The following RPS6KA2 variants were observed in gnomAD, a reference collection of about 807,000 sequenced individuals.
RPS6KA2 encodes ribosomal protein S6 kinase A2.
RPS6KA2 carries 42 observed loss-of-function variants against 91.8 expected under a neutral mutation model. The observed-to-expected ratio is 0.46, with a 90% CI of 0.36 to 0.59. The LOEUF (loss-of-function observed/expected upper bound fraction) is 0.59. Ranked by LOEUF, RPS6KA2 falls within the 20% of genes least tolerant of loss-of-function variation. The pLI is 0.00. For synonymous variants in RPS6KA2, 414 were observed against 393.6 expected (o/e 1.05, Z -0.61); for missense variants, 798 against 978.5 (o/e 0.82, Z 2.46).
At chr6:166,808,961 T>C (rs970156713) in intron 2 of RPS6KA2, among the ~76,000 whole-genome samples, 4 of 152,188 alleles carry the variant, frequency 2.6e-5, no homozygotes, top group Non-Finnish European at 5.9e-5. Context: ...CTAGTAAATA[T>C]AGACTGCAAG....
intron 2 of RPS6KA2, among the ~76,000 whole-genome samples, chr6:166,656,598 T>C (rs906640504): frequency 6.6e-6 from 1 of 152,224 alleles, no homozygotes; most frequent in African/African-American, 2.4e-5. Flanking sequence ...CCCTGGTCTC[T>C]GGGATGCGAA....
At chr6:166,420,450 G>T (rs1778684048) in intron 17 of RPS6KA2, among the ~76,000 whole-genome samples, 1 of 152,272 alleles carries the variant, frequency 6.6e-6, no homozygotes, top group East Asian at 1.9e-4. Context: ...CTGTCCGTCT[G>T]TGTGAATCTG....
intron 1 of RPS6KA2, among the ~76,000 whole-genome samples, chr6:166,547,330 A>T (rs902359747): frequency 2.6e-5 from 4 of 152,184 alleles, no homozygotes; most frequent in African/African-American, 7.2e-5. Flanking sequence ...ATGGATTTTT[A>T]AAAAATGGTC....
At chr6:166,702,610 C>T (rs1789558832) in intron 2 of RPS6KA2, 5 of 1,570,492 alleles carry the variant, frequency 3.2e-6, no homozygotes, top group East Asian at 4.5e-5. Flanking sequence ...AATCCTTTGC[C>T]TTTTTGGGAC....
chr6:166,506,903 G>C lies in RPS6KA2; in HGVS notation c.459+1300C>G, dbSNP rs1439904478. Among the ~76,000 whole-genome samples the C allele has an allele frequency of 2.0e-5, 3 of 152,162 alleles. No homozygotes were observed. The East Asian group carries it at 5.8e-4, about 29-fold the overall frequency. On this transcript the variant is annotated intron_variant, in intron 5 of 20. Coordinates refer to ENST00000265678, the MANE Select transcript of RPS6KA2 (RefSeq NM_021135.6). Reference sequence around the variant, plus strand: ...GAACGGAAAGCCCGGCACTGGCACTGCCATGGGCAGAATCTGCCTTTTGCC... The same window carrying C: ...GAACGGAAAGCCCGGCACTGGCACTCCCATGGGCAGAATCTGCCTTTTGCC...
chr6:166,560,181 A>G (rs563200017), intron 1 of RPS6KA2, among the ~76,000 whole-genome samples: 1 of 152,326 alleles, frequency 6.6e-6, no homozygotes, highest in Admixed American at 6.5e-5. Context: ...CCACCAATGA[A>G]TAAGCTGGGC....
chr6:166,710,154 T>A (rs929200525), intron 2 of RPS6KA2, among the ~76,000 whole-genome samples: 1 of 152,234 alleles, frequency 6.6e-6, no homozygotes, highest in Non-Finnish European at 1.5e-5. Flanking sequence ...TATATGTGTA[T>A]GTCAATTTAA....
chr6:166,637,066 G>T (rs983021883), intron 2 of RPS6KA2, among the ~76,000 whole-genome samples: 1 of 152,218 alleles, frequency 6.6e-6, no homozygotes, highest in East Asian at 1.9e-4. Flanking sequence ...AAAGGGCTGG[G>T]GAGGTGCCGC....
chr6:166,471,185 C>T (rs1399382655), intron 10 of RPS6KA2, among the ~76,000 whole-genome samples: 2 of 152,342 alleles, frequency 1.3e-5, no homozygotes, highest in Admixed American at 1.3e-4. Flanking sequence ...CCTGGAAGAG[C>T]GGGGCTGCCC....
At chr6:166,491,498 G>C (rs1363058173) in intron 8 of RPS6KA2, among the ~76,000 whole-genome samples, 2 of 152,204 alleles carry the variant, frequency 1.3e-5, no homozygotes, top group Non-Finnish European at 2.9e-5. Flanking sequence ...AGAAACTAGG[G>C]CTGCAGCAGG....
At chr6:166,461,659 T>G (rs1780312089) in intron 11 of RPS6KA2, among the ~76,000 whole-genome samples, 1 of 152,148 alleles carries the variant, frequency 6.6e-6, no homozygotes, top group Non-Finnish European at 1.5e-5. Context: ...CCAGGCCTCC[T>G]ACTTTTATTA....
At chr6:166,660,226 T>C (rs1458269103) in intron 2 of RPS6KA2, among the ~76,000 whole-genome samples, 1 of 152,244 alleles carries the variant, frequency 6.6e-6, no homozygotes, top group East Asian at 1.9e-4. Context: ...TCCATAATTG[T>C]ACTGCCCATA....
At position 166,635,157 on chromosome 6, in the gene RPS6KA2, A is replaced by G. The variant is rs1787194362; in HGVS notation, c.124-96373T>C. Among the ~76,000 whole-genome samples, 1 of 152,208 alleles carries G rather than the reference A, an allele frequency of 6.6e-6. No individual in the cohort carries two copies. Among genetic ancestry groups the G allele is most frequent in the Admixed American group, 6.5e-5 (1 of 15,278 alleles). Reference sequence around the variant, plus strand: ...CATGTTTGTGACTCACTAATTATCAATCACTTCTCTCCCACGTACACCTTG... The same window carrying G: ...CATGTTTGTGACTCACTAATTATCAGTCACTTCTCTCCCACGTACACCTTG... On this transcript the variant is annotated intron_variant, in intron 2 of 21. Transcript: ENST00000503859. The surrounding 1 kb of genome is among the most constrained non-coding windows in gnomAD (Gnocchi z 4.8).
chr6:166,490,964 G>A lies in RPS6KA2; in HGVS notation c.748-223C>T, dbSNP rs908212575. 6.6e-6 allele frequency among the ~76,000 whole-genome samples: 1 copy of A among 152,226 alleles called. No individual in the cohort carries two copies. The highest frequency in any genetic ancestry group is 1.5e-5 in the Non-Finnish European group (1 of 68,040). ...GTGAGACGGGTAAATGACAGATGTG[G>A]TAGATAATCACACTCTGTGGCAGGC... On this transcript the variant is annotated intron_variant, in intron 8 of 20. Coordinates refer to ENST00000265678, the MANE Select transcript of RPS6KA2 (RefSeq NM_021135.6). The surrounding 1 kb of genome is among the most constrained non-coding windows in gnomAD (Gnocchi z 4.2).
chr6:166,788,302 G>A (rs749021952), intron 2 of RPS6KA2, among the ~76,000 whole-genome samples: 24 of 152,200 alleles, frequency 1.6e-4, no homozygotes, highest in Non-Finnish European at 3.1e-4. Context: ...TCTAGAACAA[G>A]AAATATCATT....
At chr6:166,628,355 C>T (rs1308036515), upstream of RPS6KA2, among the ~76,000 whole-genome samples, 2 of 152,230 alleles carry the variant, frequency 1.3e-5, no homozygotes, top group East Asian at 1.9e-4. Flanking sequence ...AGCCCATTGA[C>T]ATAGCACCAT....
At chr6:166,571,952 G>A (rs1056412771) in intron 1 of RPS6KA2, among the ~76,000 whole-genome samples, 3 of 152,042 alleles carry the variant, frequency 2.0e-5, no homozygotes. Context: ...AAGAACAGTG[G>A]GGGGAATAAA....
chr6:166,552,624 A>T (rs1784055343), intron 1 of RPS6KA2, among the ~76,000 whole-genome samples: 1 of 152,210 alleles, frequency 6.6e-6, no homozygotes, highest in South Asian at 2.1e-4. Context: ...TCTGGACCAC[A>T]CGCCTTGCCT....
At position 166,480,479 on chromosome 6, in the gene RPS6KA2, T is replaced by TTATATATATATATA. The variant is rs3066214; in HGVS notation, c.907+8340_907+8353dup. Among the ~76,000 whole-genome samples the TTATATATATATATA allele has an allele frequency of 4.9e-3, 488 of 99,744 alleles. 4 individuals are homozygous for TTATATATATATATA. Among genetic ancestry groups the TTATATATATATATA allele is most frequent in the Non-Finnish European group, 5.5e-3 (296 of 54,276 alleles). 65.4% of individuals were successfully genotyped at this position (99,744 alleles called of 152,430 possible). ...TCTTATATTCCTTAAGATTGTGATTTTATATATATATATATATATATATAT... is the reference window on the plus strand; with the variant it reads ...TCTTATATTCCTTAAGATTGTGATTTTATATATATATATATATATATATATATATATATATATAT... On this transcript the variant is annotated intron_variant, in intron 10 of 20. Transcript: ENST00000265678.
Sources: gnomAD v4.1 joint callset for allele counts (sites outside exome capture counted in the v4.1 genomes callset) on GRCh38, gnomAD v4.1.1 for gene constraint, Gnocchi (gnomAD v3.1) non-coding constraint, MANE v1.5 for transcripts, NCBI Gene and HGNC (gene_info 2026-07-23, HGNC 2026-07-21) for gene names.